Variants in KLRG1 observed in about 807,000 individuals in gnomAD.
The protein encoded by KLRG1 is killer cell lectin like receptor G1.
KLRG1 carries 16 observed loss-of-function variants against 21.8 expected under a neutral mutation model. The observed-to-expected ratio is 0.73, with a 90% confidence interval of 0.50 to 1.11. The LOEUF (loss-of-function observed/expected upper bound fraction) is 1.11, where lower values mean the gene tolerates loss of function less well. KLRG1 is among the 50% of genes most tolerant of loss of function. The pLI, the probability that KLRG1 is intolerant of heterozygous loss-of-function variation, is 0.00. For missense variants in KLRG1, 173 were observed against 218.3 expected (o/e 0.79, Z 1.31); for synonymous variants, 69 against 75.9 (o/e 0.91, Z 0.47).
chr12:9,147,901 C>T, the KLRG1 span, among the ~76,000 whole-genome samples: 2 of 152,076 alleles, frequency 1.3e-5, no homozygotes, highest in Non-Finnish European at 2.9e-5. Context: ...TGTTTTATGT[C>T]TCCATTAAGA....
the KLRG1 span, among the ~76,000 whole-genome samples, chr12:9,028,314 G>A: frequency 1.1e-3 from 171 of 151,888 alleles, 1 homozygote; most frequent in Admixed American, 9.3e-3. Context: ...ACCAGGCCTG[G>A]CTAATTTTTG....
chr12:9,125,691 A>G, the KLRG1 span, among the ~76,000 whole-genome samples: 2 of 152,196 alleles, frequency 1.3e-5, no homozygotes, highest in Non-Finnish European at 2.9e-5. Flanking sequence ...TTTTAGATAA[A>G]AACTGAGTTT....
the KLRG1 span, among the ~76,000 whole-genome samples, chr12:9,185,783 G>A: frequency 1.7e-5 from 1 of 59,364 alleles, no homozygotes; most frequent in Admixed American, 1.8e-4. Flanking sequence ...TGGGGCCTAT[G>A]TTCAACATTT....
At chr12:9,193,120 A>G in the KLRG1 span, among the ~76,000 whole-genome samples, 1 of 152,352 alleles carries the variant, frequency 6.6e-6, no homozygotes, top group Non-Finnish European at 1.5e-5. Flanking sequence ...AAAACATTCT[A>G]TTACCTTATG....
intron 1 of KLRG1, among the ~76,000 whole-genome samples, chr12:8,965,384 A>G (rs1592240569): frequency 6.6e-6 from 1 of 152,208 alleles, no homozygotes. Flanking sequence ...TTAGGAAAAG[A>G]GGAAGTCAAA....
the KLRG1 span, among the ~76,000 whole-genome samples, chr12:9,074,014 G>A: frequency 1.3e-5 from 2 of 151,396 alleles, no homozygotes; most frequent in African/African-American, 2.4e-5. Context: ...CTTGAACCTG[G>A]GAGATGGAGG....
the KLRG1 span, among the ~76,000 whole-genome samples, chr12:9,166,574 G>C: frequency 6.6e-6 from 1 of 152,170 alleles, no homozygotes; most frequent in Non-Finnish European, 1.5e-5. Flanking sequence ...TAGACATTGA[G>C]AGTGGTTGCT....
chr12:9,125,566 T>G, the KLRG1 span, among the ~76,000 whole-genome samples: 2 of 152,240 alleles, frequency 1.3e-5, no homozygotes, highest in Non-Finnish European at 2.9e-5. Context: ...CGAAAAATTA[T>G]GTAGACATTG....
At chr12:9,206,855 C>G in the KLRG1 span, among the ~76,000 whole-genome samples, 1 of 152,126 alleles carries the variant, frequency 6.6e-6, no homozygotes, top group Admixed American at 6.5e-5. Context: ...CATCCAGAAC[C>G]ACAAATTGCT....
the KLRG1 span, among the ~76,000 whole-genome samples, chr12:9,113,105 CTT>C: frequency 0.013 from 1,878 of 143,846 alleles, 38 homozygotes; most frequent in African/African-American, 0.044. Context: ...GTCACATTTT[CTT>C]TTTTTTTTTT....
At chr12:9,179,313 G>T in the KLRG1 span, among the ~76,000 whole-genome samples, 5 of 151,660 alleles carry the variant, frequency 3.3e-5, no homozygotes, top group Admixed American at 1.3e-4. Flanking sequence ...CTTTTTTATT[G>T]CCTCTCTCTA....
chr12:8,995,781 C>G (rs1018873930), intron 3 of KLRG1, among the ~76,000 whole-genome samples: 4 of 151,612 alleles, frequency 2.6e-5, no homozygotes, highest in African/African-American at 9.7e-5. Context: ...CTCCCAGGTT[C>G]AAGCGCTTCT....
chr12:9,069,712 G>GT, the KLRG1 span: 264 of 1,564,896 alleles, frequency 1.7e-4, no homozygotes, highest in Non-Finnish European at 2.2e-4. Flanking sequence ...TATTATCTAC[G>GT]TTTTTTTGCA....
the KLRG1 span, chr12:9,064,685 C>G: frequency 6.5e-6 from 1 of 153,822 alleles, no homozygotes; most frequent in South Asian, 2.0e-4. The surrounding 1 kb of genome is among the most constrained non-coding windows in gnomAD (Gnocchi z 4.0). Flanking sequence ...GCAGTGTAGT[C>G]GGGCACGGAG....
At chr12:9,112,711 G>T in the KLRG1 span, 2 of 632,292 alleles carry the variant, frequency 3.2e-6, no homozygotes, top group Non-Finnish European at 5.5e-6. Context: ...CAAATGGGGA[G>T]ACAGGACACA....
At chr12:9,185,826 C>CTTTTCTTTTCTTTTCTTTTCTTTTCTT in the KLRG1 span, among the ~76,000 whole-genome samples, 1 of 31,070 alleles carries the variant, frequency 3.2e-5, no homozygotes, top group African/African-American at 1.2e-4. Flanking sequence ...TTTTTTTTTT[C>CTTTTCTTTTCTTTTCTTTTCTTTTCTT]TTGACAGAGT....
the KLRG1 span, among the ~76,000 whole-genome samples, chr12:9,136,119 TTG>T: frequency 6.6e-6 from 1 of 152,174 alleles, no homozygotes; most frequent in Non-Finnish European, 1.5e-5. Flanking sequence ...AGACTTTGTA[TTG>T]TGTTTTTGAC....
the KLRG1 span, among the ~76,000 whole-genome samples, chr12:9,044,973 G>T: frequency 6.6e-6 from 1 of 152,094 alleles, no homozygotes; most frequent in Admixed American, 6.6e-5. Flanking sequence ...ATAAAATTTT[G>T]GTGGCTGCAA....
the KLRG1 span, among the ~76,000 whole-genome samples, chr12:9,207,100 ACTC>A: frequency 6.6e-6 from 1 of 151,718 alleles, no homozygotes; most frequent in Non-Finnish European, 1.5e-5. Context: ...ACTGGATTGA[ACTC>A]CTTATTTCTG....
Sources: allele counts gnomAD v4.1 joint callset (sites outside exome capture counted in the v4.1 genomes callset), GRCh38; gene constraint gnomAD v4.1.1; non-coding constraint Gnocchi (gnomAD v3.1); transcripts MANE v1.5; gene names NCBI Gene and HGNC (gene_info 2026-07-23, HGNC 2026-07-21).